The following CCSER1 variants were observed in gnomAD, a reference collection of about 807,000 sequenced individuals.
CCSER1 encodes the protein coiled-coil serine rich protein 1.
Under a neutral mutation model 82.0 loss-of-function variants are expected in CCSER1, and 41 were observed. The observed-to-expected ratio is 0.50, with a 90% confidence interval of 0.39 to 0.65. The LOEUF is 0.65. Among genes scored for constraint, CCSER1 ranks in the 30% least tolerant of loss-of-function variants. The pLI is 0.00. For missense variants in CCSER1, 1,119 were observed against 1,064.2 expected (o/e 1.05, Z -0.72); for synonymous variants, 414 against 383.9 (o/e 1.08, Z -0.92).
intron 5 of CCSER1, among the ~76,000 whole-genome samples, chr4:90,606,492 C>T (rs185292532): frequency 6.6e-6 from 1 of 152,242 alleles, no homozygotes; most frequent in Admixed American, 6.5e-5. Context: ...GTTGTATATG[C>T]GGTCCATTAT....
At chr4:90,413,741 G>A (rs1253210723) in intron 4 of CCSER1, among the ~76,000 whole-genome samples, 1 of 150,662 alleles carries the variant, frequency 6.6e-6, no homozygotes, top group African/African-American at 2.4e-5. Flanking sequence ...AGATCACGAG[G>A]TCAGGAGATC....
At chr4:90,410,794 T>C (rs1439521823) in intron 4 of CCSER1, among the ~76,000 whole-genome samples, 1 of 151,974 alleles carries the variant, frequency 6.6e-6, no homozygotes, top group Non-Finnish European at 1.5e-5. Flanking sequence ...CTGAAGGAAA[T>C]AGAGACACAA....
intron 10 of CCSER1, among the ~76,000 whole-genome samples, chr4:91,164,822 G>C (rs1007441604): frequency 6.6e-6 from 1 of 152,046 alleles, no homozygotes; most frequent in Non-Finnish European, 1.5e-5. Context: ...ATTCTAGTTA[G>C]CCATTCGTCT....
At chr4:90,761,145 A>G (rs1750352246) in intron 7 of CCSER1, among the ~76,000 whole-genome samples, 1 of 152,098 alleles carries the variant, frequency 6.6e-6, no homozygotes, top group South Asian at 2.1e-4. Flanking sequence ...TAAACGGTAG[A>G]TGATGCTGTC....
chr4:90,630,678 G>T (rs1048737422), intron 6 of CCSER1, among the ~76,000 whole-genome samples: 1 of 151,800 alleles, frequency 6.6e-6, no homozygotes, highest in African/African-American at 2.4e-5. Flanking sequence ...CATAATAGAG[G>T]CCTCTAAAGA....
intron 1 of CCSER1, among the ~76,000 whole-genome samples, chr4:90,159,800 A>G (rs1004115903): frequency 6.6e-6 from 1 of 152,190 alleles, no homozygotes; most frequent in African/African-American, 2.4e-5. Context: ...ACAGATTGAC[A>G]TATTTTGCCA....
intron 10 of CCSER1, among the ~76,000 whole-genome samples, chr4:91,261,679 TG>T (rs1297096789): frequency 6.6e-6 from 1 of 152,136 alleles, no homozygotes; most frequent in East Asian, 1.9e-4. Context: ...CATGGAAAAC[TG>T]TAGTGTCTTA....
intron 5 of CCSER1, among the ~76,000 whole-genome samples, chr4:90,487,461 T>C (rs1358978088): frequency 6.6e-6 from 1 of 152,236 alleles, no homozygotes; most frequent in Non-Finnish European, 1.5e-5. Flanking sequence ...TAATATTCCT[T>C]TCTATCATAT....
intron 10 of CCSER1, among the ~76,000 whole-genome samples, chr4:91,114,518 G>T (rs1010045801): frequency 1.3e-5 from 2 of 152,136 alleles, no homozygotes; most frequent in Admixed American, 1.3e-4. Context: ...TTGAGGAGAG[G>T]TATCACTGTA....
At chr4:90,199,073 C>T (rs1250050442) in intron 1 of CCSER1, among the ~76,000 whole-genome samples, 1 of 152,108 alleles carries the variant, frequency 6.6e-6, no homozygotes, top group Non-Finnish European at 1.5e-5. Context: ...AAGATTATCC[C>T]AATCTTTTGT....
At chr4:90,237,282 T>TA (rs1745974104) in intron 1 of CCSER1, among the ~76,000 whole-genome samples, 1 of 152,194 alleles carries the variant, frequency 6.6e-6, no homozygotes, top group East Asian at 1.9e-4. Context: ...TTATAAATAT[T>TA]AGAGTTTATG....
intron 10 of CCSER1, among the ~76,000 whole-genome samples, chr4:91,301,088 A>G (rs139854897): frequency 6.6e-6 from 1 of 151,922 alleles, no homozygotes; most frequent in Non-Finnish European, 1.5e-5. Context: ...TACATTATGC[A>G]TACATAATAT....
chr4:90,795,246 C>T (rs1237867864), intron 7 of CCSER1, among the ~76,000 whole-genome samples: 1 of 149,394 alleles, frequency 6.7e-6, no homozygotes, highest in Non-Finnish European at 1.5e-5. Flanking sequence ...GAGATCGTGC[C>T]ACTGCACTGC....
At chr4:91,421,861 T>C (rs1753701597) in intron 10 of CCSER1, among the ~76,000 whole-genome samples, 1 of 151,684 alleles carries the variant, frequency 6.6e-6, no homozygotes, top group South Asian at 2.1e-4. Flanking sequence ...GCAGGTAAGC[T>C]GAGGCAACTG....
chr4:90,441,735 C>G (rs7662374), intron 4 of CCSER1, among the ~76,000 whole-genome samples: 40,455 of 152,080 alleles, frequency 0.27, 8,484 homozygotes, highest in African/African-American at 0.58. Flanking sequence ...GGAGGGTCCA[C>G]AAGTACCTCG....
intron 5 of CCSER1, among the ~76,000 whole-genome samples, chr4:90,553,665 G>T (rs1435555024): frequency 6.6e-6 from 1 of 152,030 alleles, no homozygotes; most frequent in Non-Finnish European, 1.5e-5. Context: ...ATTTTAATTG[G>T]TTATAAATAA....
intron 7 of CCSER1, among the ~76,000 whole-genome samples, chr4:90,807,456 T>C (rs1031898584): frequency 6.6e-6 from 1 of 152,026 alleles, no homozygotes; most frequent in African/African-American, 2.4e-5. Context: ...AAAGATATAT[T>C]AATAAATTAC....
intron 3 of CCSER1, among the ~76,000 whole-genome samples, chr4:90,314,933 A>G (rs6854651): frequency 0.084 from 11,050 of 131,098 alleles, 1,263 homozygotes; most frequent in African/African-American, 0.28. Flanking sequence ...TGCAACCTCT[A>G]CCTCCCCAGT....
chr4:90,736,371 A>G (rs1042765326), intron 7 of CCSER1, among the ~76,000 whole-genome samples: 5 of 152,056 alleles, frequency 3.3e-5, no homozygotes, highest in African/African-American at 1.2e-4. Context: ...TATTTACTTT[A>G]TAAATCTGGG....
Sources: gnomAD v4.1 joint callset for allele counts (sites outside exome capture counted in the v4.1 genomes callset) on GRCh38, gnomAD v4.1.1 for gene constraint, MANE v1.5 for transcripts, NCBI Gene and HGNC (gene_info 2026-07-23, HGNC 2026-07-21) for gene names.